Variants in RUBCN observed in about 807,000 individuals in gnomAD.
RUBCN encodes the protein rubicon autophagy regulator, also known as run domain Beclin-1-interacting and cysteine-rich domain-containing protein.
Under a neutral mutation model 113.2 loss-of-function variants are expected in RUBCN, and 74 were observed. The ratio of observed to expected loss-of-function variants is 0.65; its 90% CI spans 0.54 to 0.79. The LOEUF (loss-of-function observed/expected upper bound fraction) is 0.79. Ranked by LOEUF, RUBCN falls within the 30% of genes least tolerant of loss-of-function variation. RUBCN has a pLI of 0.00. For synonymous variants in RUBCN, 480 were observed against 490.0 expected, an observed-to-expected ratio of 0.98 and a Z score of 0.27; for missense variants, 1,109 against 1,251.7, an observed-to-expected ratio of 0.89 and a Z score of 1.72.
chr3:197,739,618 GAA>G (rs1728437141), upstream of RUBCN, among the ~76,000 whole-genome samples: 4 of 151,982 alleles, frequency 2.6e-5, no homozygotes, highest in Non-Finnish European at 2.9e-5. Context: ...ATGGCGTGAT[GAA>G]CCCGGGAGGC....
Position 197,673,640 on chromosome 3 carries a change from C to G in RUBCN, c.*1378G>C, listed in dbSNP as rs3749250. 0.14 allele frequency: 20,756 copies of G among 152,266 alleles called. 1,730 individuals are homozygous for G. The highest frequency in any genetic ancestry group is 0.23 in the African/African-American group (9,501 of 41,238). The allele number at this position is 152,266 out of a possible 1,614,324, so 9.4% of individuals were successfully genotyped here. On this transcript the variant is annotated 3_prime_UTR_variant, in exon 20 of 20. Coordinates refer to ENST00000296343, the MANE Select transcript of RUBCN (RefSeq NM_014687.4). The stretch of plus-strand genomic sequence containing the variant: ...CACACATGGCCCCACCCAAGGACTT[C>G]ACTGTCAACACACACATTAACGGGG...
Position 197,674,574 on chromosome 3 carries a change from C to A in RUBCN, c.*444G>T. On this transcript the variant is annotated 3_prime_UTR_variant, in exon 20 of 20. Transcript: ENST00000296343. ...TCCAGGACAGGGAGAGGGAAAACGCCATCCCCGTTTCAGCAGCAGGAGAGG... is the reference window on the plus strand; with the variant it reads ...TCCAGGACAGGGAGAGGGAAAACGCAATCCCCGTTTCAGCAGCAGGAGAGG... The A allele has an allele frequency of 2.0e-6, 1 of 503,936 alleles. No homozygotes were observed. Among genetic ancestry groups the A allele is most frequent in the Non-Finnish European group, 4.1e-6 (1 of 246,442 alleles). The allele number at this position is 503,936 out of a possible 1,614,324, so 31.2% of individuals were successfully genotyped here.
intron 1 of RUBCN, among the ~76,000 whole-genome samples, chr3:197,743,051 C>T (rs1336671335): frequency 6.6e-6 from 1 of 152,216 alleles, no homozygotes; most frequent in Non-Finnish European, 1.5e-5. Flanking sequence ...GTTCCCTTGT[C>T]CACCCAGAGC....
chr3:197,749,653 G>C, exon 1 of RUBCN: 1 of 843,706 alleles, frequency 1.2e-6, no homozygotes, highest in Non-Finnish European at 1.8e-6. Flanking sequence ...ATTCAGAGGT[G>C]CCCGCGGTCT....
intron 16 of RUBCN, among the ~76,000 whole-genome samples, chr3:197,680,833 C>T (rs1721135897): frequency 6.6e-6 from 1 of 151,938 alleles, no homozygotes; most frequent in South Asian, 2.1e-4. Flanking sequence ...GCCATTGCCA[C>T]GTTTGAGGCT....
intron 16 of RUBCN, among the ~76,000 whole-genome samples, chr3:197,678,717 A>C (rs1340261184): frequency 2.6e-4 from 38 of 146,626 alleles, no homozygotes; most frequent in South Asian, 1.1e-3. Context: ...CTAACTGACA[A>C]CTGGCTTCAG....
chr3:197,720,123 T>G (rs1725984678), intron 1 of RUBCN, among the ~76,000 whole-genome samples: 1 of 152,140 alleles, frequency 6.6e-6, no homozygotes, highest in African/African-American at 2.4e-5. Flanking sequence ...GTACTCCTCC[T>G]GCCTAACTAC....
chr3:197,718,252 A>T, intron 1 of RUBCN, 122 bp from the exon 2 acceptor site: 3 of 1,057,974 alleles, frequency 2.8e-6, no homozygotes, highest in South Asian at 2.7e-5. Flanking sequence ...CTCCCCTCTT[A>T]ATTTTTACTT....
intron 1 of RUBCN, among the ~76,000 whole-genome samples, chr3:197,726,246 A>T (rs908527609): frequency 4.6e-5 from 7 of 151,712 alleles, no homozygotes; most frequent in Non-Finnish European, 5.9e-5. Flanking sequence ...TTTATTTTTT[A>T]TTTTTATTTT....
At chr3:197,730,618 G>T (rs112622269) in intron 1 of RUBCN, among the ~76,000 whole-genome samples, 1 of 149,340 alleles carries the variant, frequency 6.7e-6, no homozygotes, top group Non-Finnish European at 1.5e-5. Context: ...GGGCCATCAC[G>T]AGTGTGGATG....
Position 197,694,547 on chromosome 3 carries a change from A to G in RUBCN, c.1512T>C (p.Ala504=). The G allele has an allele frequency of 6.2e-7, 1 of 1,614,202 alleles. No homozygotes were observed. Among genetic ancestry groups the G allele is most frequent in the Non-Finnish European group, 8.5e-7 (1 of 1,180,036 alleles). ...AHFSISESLI[A]AIELMKCNMM... ...TGTTGCACTTCATTAGCTCGATGGCAGCAATTAAGGACTCTGAGATGCTGA... is the reference window on the plus strand; with the variant it reads ...TGTTGCACTTCATTAGCTCGATGGCGGCAATTAAGGACTCTGAGATGCTGA... The change falls in exon 10 of 20, where the codon GCT becomes GCC. Residue 504 remains alanine, a synonymous_variant. Coordinates refer to ENST00000296343, the MANE Select transcript of RUBCN (RefSeq NM_014687.4).
At chr3:197,729,024 G>A (rs919440499) in intron 1 of RUBCN, among the ~76,000 whole-genome samples, 2 of 151,912 alleles carry the variant, frequency 1.3e-5, no homozygotes, top group Non-Finnish European at 1.5e-5. Flanking sequence ...AGCACTTTGG[G>A]AGGCCGAGGC....
Position 197,675,068 on chromosome 3 carries a change from C to G in RUBCN, c.2869G>C (p.Glu957Gln), listed in dbSNP as rs1720199400. 6.2e-7 allele frequency: 1 copy of G among 1,613,278 alleles called. No individual in the cohort carries two copies. Among genetic ancestry groups the G allele is most frequent in the Non-Finnish European group, 8.5e-7 (1 of 1,179,950 alleles). Residue 957 changes from glutamate to glutamine, a missense_variant, in exon 20 of 20, where the codon GAG (glutamate) becomes CAG (glutamine). Glu to Gln is a conservative substitution (Grantham distance 29). This residue lies in a region of RUBCN where 306 missense variants were observed against 348.9 expected (regional missense o/e 0.88). Transcript: ENST00000296343. The surrounding 1 kb of genome is among the most constrained non-coding windows in gnomAD (Gnocchi z 4.4). ...LESYLSDYEE[E>Q]PAEALALEAA... ...TCCAGGGCCAGCGCTTCCGCGGGCT[C>G]CTCCTCGTAGTCTGACAGGTAAGAC... is the stretch of plus-strand genomic sequence containing the variant.
chr3:197,692,232 T>C (rs1351330288), intron 11 of RUBCN, among the ~76,000 whole-genome samples: 1 of 151,964 alleles, frequency 6.6e-6, no homozygotes, highest in Non-Finnish European at 1.5e-5. Context: ...ATGTCCAGGC[T>C]TCCTGGTTGG....
intron 2 of RUBCN, among the ~76,000 whole-genome samples, chr3:197,706,090 T>C (rs185829987): frequency 2.6e-4 from 40 of 152,296 alleles, no homozygotes; most frequent in African/African-American, 9.4e-4. Context: ...TTCTTAAAAC[T>C]GGTAAAGAGC....
upstream of RUBCN, among the ~76,000 whole-genome samples, chr3:197,739,170 A>T (rs1335335830): frequency 2.0e-5 from 3 of 151,426 alleles, no homozygotes; most frequent in Non-Finnish European, 4.4e-5. Context: ...TGAACTCCCG[A>T]CCTCAGGTGA....
chr3:197,741,958 C>T (rs1728541697), intron 1 of RUBCN, among the ~76,000 whole-genome samples: 1 of 151,614 alleles, frequency 6.6e-6, no homozygotes, highest in Non-Finnish European at 1.5e-5. Flanking sequence ...AGTGCAGTGG[C>T]GCAATCTTGG....
chr3:197,693,739 C>T lies in RUBCN; in HGVS notation c.1762G>A (p.Glu588Lys), dbSNP rs550326951. The stretch of plus-strand genomic sequence containing the variant: ...CCTTGGATTTCAAATTCATCAACCT[C>T]ATCAGCAGAGCCAGAGTCAGAGAGC... ...AQLSDSGSAD[E>K]VDEFEIQDAD... Residue 588 changes from glutamate (E) to lysine (K), a missense_variant, in exon 11 of 20, where the codon GAG becomes AAG. Around this residue, in one of 3 missense-constraint regions of RUBCN, gnomAD observed 736 missense variants for 779.6 expected, o/e 0.94. Coordinates refer to ENST00000296343, the MANE Select transcript of RUBCN (RefSeq NM_014687.4). 3.7e-5 allele frequency: 60 copies of T among 1,613,400 alleles called. No individual in the cohort carries two copies. Among genetic ancestry groups the T allele is most frequent in the Non-Finnish European group, 4.8e-5 (57 of 1,179,422 alleles).
rs768356954 is a variant in RUBCN, at chr3:197,700,691, GTGTC to G, written c.1179_1182del (p.Gln393HisfsTer36). On this transcript the variant is annotated frameshift_variant, in exon 7 of 20. Coordinates refer to ENST00000296343, the MANE Select transcript of RUBCN (RefSeq NM_014687.4). LOFTEE classifies it high-confidence loss of function. Reference sequence around the variant, plus strand: ...TTCTTTGCCCCACTGGTGACAGTGAGTGTCTGCCCCTCTGAGAAGCTGGACCTGC... The same window carrying G: ...TTCTTTGCCCCACTGGTGACAGTGAGTGCCCCTCTGAGAAGCTGGACCTGC... The G allele has an allele frequency of 4.3e-6, 7 of 1,614,096 alleles. No homozygotes were observed. The highest frequency in any genetic ancestry group is 5.1e-6 in the Non-Finnish European group (6 of 1,180,046).
Sources: allele counts gnomAD v4.1 joint callset (sites outside exome capture counted in the v4.1 genomes callset), GRCh38; gene constraint gnomAD v4.1.1; regional missense constraint gnomAD v4.1.1; non-coding constraint Gnocchi (gnomAD v3.1); transcripts MANE v1.5; gene names NCBI Gene and HGNC (gene_info 2026-07-23, HGNC 2026-07-21).